Variants in UNC13C observed in about 807,000 individuals in gnomAD.
UNC13C encodes unc-13 homolog C, also known as protein unc-13 homolog C.
In UNC13C, 174 loss-of-function variants were observed where a neutral mutation model predicts 245.4. The observed-to-expected ratio is 0.71, with a 90% CI of 0.63 to 0.80. The LOEUF (loss-of-function observed/expected upper bound fraction) is 0.80. Among genes scored for constraint, UNC13C ranks in the 30% least tolerant of loss-of-function variants. The probability of loss-of-function intolerance (pLI) is 0.00; values close to 1 mark genes in which losing one functional copy is unlikely to be tolerated. For synonymous variants in UNC13C, 992 were observed against 895.1 expected (o/e 1.11, Z -1.93); for missense variants, 2,829 against 2,602.9 (o/e 1.09, Z -1.89).
intron 26 of UNC13C, among the ~76,000 whole-genome samples, chr15:54,541,240 A>C (rs1466694972): frequency 6.6e-6 from 1 of 152,078 alleles, no homozygotes; most frequent in Non-Finnish European, 1.5e-5. Context: ...TGCCTCTCAC[A>C]TGTCACATGC....
chr15:53,989,251 A>G (rs530854723), intron 1 of UNC13C, among the ~76,000 whole-genome samples: 1 of 152,010 alleles, frequency 6.6e-6, no homozygotes, highest in East Asian at 1.9e-4. Flanking sequence ...GCATTTATCG[A>G]TGAAGGCAAG....
chr15:54,563,214 A>C (rs1338065263), intron 29 of UNC13C, among the ~76,000 whole-genome samples: 2 of 152,014 alleles, frequency 1.3e-5, no homozygotes, highest in Non-Finnish European at 2.9e-5. Context: ...CATCCAATGT[A>C]ACAACTTTAA....
chr15:54,297,741 T>C (rs562823323), intron 11 of UNC13C, 70 bp from the exon 12 acceptor site: 19 of 1,184,236 alleles, frequency 1.6e-5, no homozygotes, highest in South Asian at 5.6e-5. Flanking sequence ...GTTTTTTAGC[T>C]TTTGAGAGGT....
At chr15:54,265,545 G>T in intron 10 of UNC13C, 49 bp downstream of exon 10, 2 of 1,336,662 alleles carry the variant, frequency 1.5e-6, no homozygotes, top group Non-Finnish European at 2.0e-6. Flanking sequence ...ATTTAACAAT[G>T]AATTTAAGAC....
At chr15:54,586,393 T>A (rs1898493569) in intron 30 of UNC13C, among the ~76,000 whole-genome samples, 1 of 152,196 alleles carries the variant, frequency 6.6e-6, no homozygotes, top group Admixed American at 6.5e-5. Flanking sequence ...TTTGGTGAGA[T>A]TGCTCTTCCT....
chr15:54,533,027 A>G lies in UNC13C; in HGVS notation c.5657A>G (p.Glu1886Gly). 6.3e-7 allele frequency: 1 copy of G among 1,598,702 alleles called. No homozygotes were observed. Among genetic ancestry groups the G allele is most frequent in the Non-Finnish European group, 8.5e-7 (1 of 1,172,296 alleles). ...AAGAACAGTGCAGCAATGGATGCAGAGATTGTGTTAAGATCTCTTATGGAT... is the reference window on the plus strand; with the variant it reads ...AAGAACAGTGCAGCAATGGATGCAGGGATTGTGTTAAGATCTCTTATGGAT... ...SNKNSAAMDAEIVLRSLMDFL... is the reference protein window; with the variant it reads ...SNKNSAAMDAGIVLRSLMDFL... Residue 1886 changes from glutamate to glycine, a missense_variant, in exon 26 of 33, where the codon GAG becomes GGG. Coordinates refer to ENST00000260323, the MANE Select transcript of UNC13C (RefSeq NM_001080534.3).
At chr15:54,461,329 A>G (rs1891832909) in intron 19 of UNC13C, among the ~76,000 whole-genome samples, 1 of 152,194 alleles carries the variant, frequency 6.6e-6, no homozygotes, top group South Asian at 2.1e-4. Flanking sequence ...GGGATGCTCA[A>G]TCAGTCAATA....
chr15:54,292,345 TC>T, intron 10 of UNC13C, among the ~76,000 whole-genome samples: 1 of 151,948 alleles, frequency 6.6e-6, no homozygotes, highest in Non-Finnish European at 1.5e-5. Flanking sequence ...TGGTGGGGTA[TC>T]TAAATCTCTA....
chr15:54,613,286 A>G (rs1900223088), intron 30 of UNC13C, among the ~76,000 whole-genome samples: 1 of 151,954 alleles, frequency 6.6e-6, no homozygotes, highest in African/African-American at 2.4e-5. Context: ...AGAGCAAGCA[A>G]TCTATAAATA....
intron 30 of UNC13C, among the ~76,000 whole-genome samples, chr15:54,599,313 CCAGCTTCAGAGGTA>C (rs1480311263): frequency 6.6e-6 from 1 of 152,066 alleles, no homozygotes; most frequent in African/African-American, 2.4e-5. Flanking sequence ...AGGGTTTATG[CCAGCTTCAGAGGTA>C]CAGATCAAGA....
chr15:54,018,301 C>G (rs1490923146), intron 2 of UNC13C, among the ~76,000 whole-genome samples: 1 of 152,172 alleles, frequency 6.6e-6, no homozygotes, highest in Non-Finnish European at 1.5e-5. Context: ...TGTCTTTTCT[C>G]CATAAGTAAC....
intron 1 of UNC13C, among the ~76,000 whole-genome samples, chr15:53,995,323 T>C (rs943472739): frequency 3.9e-5 from 6 of 152,058 alleles, no homozygotes; most frequent in Non-Finnish European, 8.8e-5. Context: ...CTTAAATTGG[T>C]ATCTTACTAC....
chr15:53,901,273 G>A, the UNC13C span, among the ~76,000 whole-genome samples: 3 of 144,148 alleles, frequency 2.1e-5, no homozygotes, highest in African/African-American at 7.8e-5. Context: ...AGGCTGGAGT[G>A]CAGTGGCACG....
the UNC13C span, among the ~76,000 whole-genome samples, chr15:53,867,679 A>G: frequency 9.2e-5 from 14 of 152,194 alleles, no homozygotes; most frequent in African/African-American, 2.9e-4. Context: ...TAAATCTCCA[A>G]GAATAAACTC....
chr15:54,589,433 G>A (rs1898662695), intron 30 of UNC13C, among the ~76,000 whole-genome samples: 1 of 150,320 alleles, frequency 6.7e-6, no homozygotes, highest in African/African-American at 2.4e-5. Context: ...CGAATAGCTG[G>A]GATTACAGGC....
At position 54,403,715 on chromosome 15, in the gene UNC13C, C is replaced by CAAAA. The variant is rs771818988; in HGVS notation, c.4847+10555_4847+10558dup. On this transcript the variant is annotated intron_variant, in intron 18 of 32. Transcript: ENST00000260323. ...TGAGCAACAGAGTGAGAACCTGTCT[C>CAAAA]AAAAAAAAAAAAAAAAAAAAAAAAG... is the stretch of plus-strand genomic sequence containing the variant. Among the ~76,000 whole-genome samples the CAAAA allele has an allele frequency of 8.1e-4, 46 of 56,780 alleles. 1 individual carries two copies. Among genetic ancestry groups the CAAAA allele is most frequent in the Middle Eastern group, 0.012 (1 of 84 alleles). 37.2% of individuals were successfully genotyped at this position (56,780 alleles called of 152,430 possible).
intron 17 of UNC13C, among the ~76,000 whole-genome samples, chr15:54,341,641 A>G (rs1383702820): frequency 6.6e-6 from 1 of 152,214 alleles, no homozygotes; most frequent in Non-Finnish European, 1.5e-5. Flanking sequence ...AAACATGTAT[A>G]TGCTTACTAC....
At chr15:54,620,333 A>C (rs373480025) in intron 30 of UNC13C, among the ~76,000 whole-genome samples, 3 of 152,170 alleles carry the variant, frequency 2.0e-5, no homozygotes, top group African/African-American at 7.2e-5. Context: ...AAAAACTTAC[A>C]TTGTATACGT....
At chr15:54,138,299 T>G (rs538394931) in intron 2 of UNC13C, among the ~76,000 whole-genome samples, 84 of 152,220 alleles carry the variant, frequency 5.5e-4, no homozygotes, top group African/African-American at 2.0e-3. Context: ...TTTAAAATAT[T>G]TTCAACAATA....
Sources: allele counts gnomAD v4.1 joint callset (sites outside exome capture counted in the v4.1 genomes callset), GRCh38; gene constraint gnomAD v4.1.1; transcripts MANE v1.5; gene names NCBI Gene and HGNC (gene_info 2026-07-23, HGNC 2026-07-21).